The following CADPS variants were observed in gnomAD, a reference collection of about 807,000 sequenced individuals.
CADPS encodes calcium dependent secretion activator.
CADPS carries 57 observed loss-of-function variants against 167.3 expected under a neutral mutation model. The ratio of observed to expected loss-of-function variants is 0.34; its 90% confidence interval spans 0.28 to 0.42. The LOEUF (loss-of-function observed/expected upper bound fraction) is 0.42, where lower values mean the gene tolerates loss of function less well. CADPS is among the 20% of genes least tolerant of loss of function. The probability of loss-of-function intolerance (pLI) is 1.00; values close to 1 mark genes in which losing one functional copy is unlikely to be tolerated. For synonymous variants in CADPS, 676 were observed against 635.3 expected, an observed-to-expected ratio of 1.06 and a Z score of -0.96; for missense variants, 1,414 against 1,738.1, an observed-to-expected ratio of 0.81 and a Z score of 3.32.
rs2059871839 is a variant in CADPS at position 62,465,707 on chromosome 3, TGA to T, written c.3553-259_3553-258del. 6.6e-6 allele frequency among the ~76,000 whole-genome samples: 1 copy of T among 152,250 alleles called. No homozygotes were observed. The highest frequency in any genetic ancestry group is 1.5e-5 in the Non-Finnish European group (1 of 68,048). ...GAAGTGCAAAGTGACAAAATATTATTGAGTTGCATATAGCATGCGATAATATT... is the reference window on the plus strand; with the variant it reads ...GAAGTGCAAAGTGACAAAATATTATTGTTGCATATAGCATGCGATAATATT... On this transcript the variant is annotated intron_variant, in intron 25 of 29. Transcript: ENST00000383710. The surrounding 1 kb of genome is among the most constrained non-coding windows in gnomAD (Gnocchi z 4.1).
At chr3:62,739,678 T>A (rs1211924455) in intron 3 of CADPS, among the ~76,000 whole-genome samples, 1 of 152,178 alleles carries the variant, frequency 6.6e-6, no homozygotes, top group Non-Finnish European at 1.5e-5. Context: ...TTCCTTTACC[T>A]CAGCCAACTT....
At chr3:62,470,579 G>A (rs1346655961) in intron 24 of CADPS, 1 of 152,190 alleles carries the variant, frequency 6.6e-6, no homozygotes, top group Non-Finnish European at 1.5e-5. Flanking sequence ...CCACTTAGAA[G>A]AAGTACATAT....
chr3:62,682,448 T>G (rs1044053516), intron 3 of CADPS, among the ~76,000 whole-genome samples: 6 of 152,078 alleles, frequency 3.9e-5, no homozygotes, highest in African/African-American at 1.4e-4. Context: ...TGCAAGGACT[T>G]TCTTCCCACT....
chr3:62,429,162 A>G (rs186866016), intron 28 of CADPS, among the ~76,000 whole-genome samples: 1 of 152,240 alleles, frequency 6.6e-6, no homozygotes, highest in East Asian at 1.9e-4. Context: ...CTGGGTTGCA[A>G]TGTAAAATTT....
At position 62,552,866 on chromosome 3, in the gene CADPS, T is replaced by G. The variant is rs574113045; in HGVS notation, c.1754-2751A>C. 3.3e-5 allele frequency among the ~76,000 whole-genome samples: 5 copies of G among 152,318 alleles called. 1 individual carries two copies. In the South Asian group the frequency reaches 1.0e-3, roughly 32 times the overall value. On this transcript the variant is annotated intron_variant, in intron 10 of 29. Coordinates refer to ENST00000383710, the MANE Select transcript of CADPS (RefSeq NM_003716.4). ...ATTATAAGGGACTATTTTGCTTAAT[T>G]TCATATGGAAAGTTTTAAAATACCT...
At chr3:62,818,253 T>G (rs1377544119) in intron 1 of CADPS, among the ~76,000 whole-genome samples, 1 of 152,190 alleles carries the variant, frequency 6.6e-6, no homozygotes, top group African/African-American at 2.4e-5. Flanking sequence ...CTTATCTGTA[T>G]GTCAGAGTCC....
intron 20 of CADPS, among the ~76,000 whole-genome samples, chr3:62,492,014 G>A (rs982698347): frequency 6.6e-6 from 1 of 152,018 alleles, no homozygotes; most frequent in Non-Finnish European, 1.5e-5. Flanking sequence ...TAATTAATTT[G>A]AGAGACAATC....
chr3:62,829,830 T>C (rs1383934704), intron 1 of CADPS, among the ~76,000 whole-genome samples: 1 of 152,194 alleles, frequency 6.6e-6, no homozygotes, highest in East Asian at 1.9e-4. Context: ...AAGGAACTAC[T>C]GAGAAGAATG....
chr3:62,543,793 C>A (rs2076062713), intron 11 of CADPS, among the ~76,000 whole-genome samples: 1 of 152,068 alleles, frequency 6.6e-6, no homozygotes, highest in Non-Finnish European at 1.5e-5. Context: ...ATTTTTCTAA[C>A]TCCGTCTAAC....
intron 3 of CADPS, among the ~76,000 whole-genome samples, chr3:62,671,392 G>C (rs1300900855): frequency 6.6e-6 from 1 of 152,140 alleles, no homozygotes; most frequent in African/African-American, 2.4e-5. Context: ...AAAGAAGAGA[G>C]TGGGTGTTGT....
chr3:62,670,567 C>T (rs1168807036), intron 3 of CADPS, among the ~76,000 whole-genome samples: 3 of 152,112 alleles, frequency 2.0e-5, no homozygotes, highest in African/African-American at 7.2e-5. Flanking sequence ...CCAATGAGAA[C>T]CCTGCTGTAT....
In CADPS at chr3:62,493,638, T is replaced by C. The variant is rs777883091; in HGVS notation, c.2727+7A>G. The C allele has an allele frequency of 6.4e-7, 1 of 1,554,644 alleles. No individual in the cohort carries two copies. Among genetic ancestry groups the C allele is most frequent in the South Asian group, 1.2e-5 (1 of 84,380 alleles). On this transcript the variant is annotated splice_region_variant and intron_variant, in intron 19 of 29. Coordinates refer to ENST00000383710, the MANE Select transcript of CADPS (RefSeq NM_003716.4). ...TCTCTTCTTTCACGAGATTTCACTT[T>C]ACTTACTTCTCCTTTATCAACATGT...
In CADPS at chr3:62,433,322, A is replaced by G. The variant is rs2054344600; in HGVS notation, c.3777+4782T>C. On this transcript the variant is annotated intron_variant, in intron 28 of 29. Transcript: ENST00000383710. The surrounding 1 kb of genome is among the most constrained non-coding windows in gnomAD (Gnocchi z 4.7). The stretch of plus-strand genomic sequence containing the variant: ...AAACTGGACAAATACACGATTTGAA[A>G]ATGGAACAGCAAATTAAAATCCGTG... Among the ~76,000 whole-genome samples the G allele has an allele frequency of 6.6e-6, 1 of 152,202 alleles. No homozygotes were observed.
At chr3:62,528,131 A>G (rs560728733) in intron 13 of CADPS, among the ~76,000 whole-genome samples, 4 of 152,322 alleles carry the variant, frequency 2.6e-5, no homozygotes, top group Admixed American at 1.3e-4. Context: ...CTCACCTGGA[A>G]ATGTTGAAAC....
At chr3:62,443,663 C>G (rs2056740888) in intron 27 of CADPS, among the ~76,000 whole-genome samples, 1 of 152,068 alleles carries the variant, frequency 6.6e-6, no homozygotes, top group Non-Finnish European at 1.5e-5. Context: ...ATTCTTCTTA[C>G]CTCTGCTGTC....
intron 1 of CADPS, among the ~76,000 whole-genome samples, chr3:62,824,726 T>C (rs2073719395): frequency 6.6e-6 from 1 of 152,202 alleles, no homozygotes; most frequent in Non-Finnish European, 1.5e-5. Flanking sequence ...CAGTTTATTC[T>C]TCCATTACGA....
At chr3:62,533,667 C>T (rs1383247142) in intron 12 of CADPS, among the ~76,000 whole-genome samples, 3 of 152,166 alleles carry the variant, frequency 2.0e-5, no homozygotes, top group African/African-American at 4.8e-5. Context: ...GTTTTCTCTA[C>T]TCTAGAGCAT....
In CADPS at chr3:62,664,722, C is replaced by T. The variant is rs186263044; in HGVS notation, c.889-2328G>A. On this transcript the variant is annotated intron_variant, in intron 3 of 29. Coordinates refer to ENST00000383710, the MANE Select transcript of CADPS (RefSeq NM_003716.4). The stretch of plus-strand genomic sequence containing the variant: ...AATGATTTGGTTAGGAGAATTTCGT[C>T]GGAAGATATGGTGCTCGTACAGGTT... Among the ~76,000 whole-genome samples the T allele has an allele frequency of 3.3e-5, 5 of 152,278 alleles. No homozygotes were observed. In the East Asian group the frequency reaches 9.7e-4, roughly 29 times the overall value.
chr3:62,477,081 T>A, intron 23 of CADPS, among the ~76,000 whole-genome samples: 1 of 152,324 alleles, frequency 6.6e-6, no homozygotes, highest in South Asian at 2.1e-4. Context: ...AGTGCATAGT[T>A]CCTTTCTCAA....
Sources: gnomAD v4.1 joint callset for allele counts (sites outside exome capture counted in the v4.1 genomes callset) on GRCh38, gnomAD v4.1.1 for gene constraint, Gnocchi (gnomAD v3.1) non-coding constraint, MANE v1.5 for transcripts, NCBI Gene and HGNC (gene_info 2026-07-23, HGNC 2026-07-21) for gene names.